Variants in SHC3 observed in about 807,000 individuals in gnomAD.
The protein encoded by SHC3 is SHC-transforming protein 3.
In SHC3, 15 loss-of-function variants were observed where a neutral mutation model predicts 60.4. The observed-to-expected ratio is 0.25, with a 90% CI of 0.17 to 0.38. The LOEUF is 0.38. Ranked by LOEUF, SHC3 falls within the 10% of genes least tolerant of loss-of-function variation. The pLI is 1.00. For missense variants in SHC3, 677 were observed against 786.1 expected (o/e 0.86, Z 1.66); for synonymous variants, 294 against 325.9 (o/e 0.90, Z 1.05).
chr9:89,060,881 A>T (rs1825077551), intron 6 of SHC3, among the ~76,000 whole-genome samples: 1 of 152,104 alleles, frequency 6.6e-6, no homozygotes, highest in Non-Finnish European at 1.5e-5. Context: ...GAAGGAAAGA[A>T]GGCAGAGAAC....
At chr9:89,168,175 C>T (rs994351517) in intron 1 of SHC3, among the ~76,000 whole-genome samples, 1 of 152,228 alleles carries the variant, frequency 6.6e-6, no homozygotes, top group Non-Finnish European at 1.5e-5. Context: ...GAAAATGTTT[C>T]TCTATTTGGG....
At chr9:89,173,457 A>G (rs937680513) in intron 1 of SHC3, among the ~76,000 whole-genome samples, 7 of 152,272 alleles carry the variant, frequency 4.6e-5, no homozygotes, top group African/African-American at 1.7e-4. Context: ...GGAGGCAGAG[A>G]AGCAGCCATC....
chr9:89,075,110 T>C lies in SHC3; in HGVS notation c.728A>G (p.Gln243Arg). The C allele has an allele frequency of 6.2e-7, 1 of 1,613,814 alleles. No individual in the cohort carries two copies. The highest frequency in any genetic ancestry group is 8.5e-7 in the Non-Finnish European group (1 of 1,179,782). ...SLNLRTPDSK[Q>R]IIANHHMRSI... ...CAGGGGATCTGAGCACCCATGTACC[T>C]GTTTGGAGTCCGGAGTTCGCAGGTT... The change falls in exon 4 of 12, where the codon CAG (glutamine) becomes CGG (arginine). Residue 243 changes from glutamine (Q) to arginine (R), a missense_variant and splice_region_variant. Gln to Arg is a conservative substitution (Grantham distance 43, BLOSUM62 1). Coordinates refer to ENST00000375835, the MANE Select transcript of SHC3 (RefSeq NM_016848.6).
At chr9:89,051,072 C>A (rs973823836) in intron 7 of SHC3, among the ~76,000 whole-genome samples, 1 of 152,084 alleles carries the variant, frequency 6.6e-6, no homozygotes, top group Non-Finnish European at 1.5e-5. Context: ...AATGAAAAGT[C>A]TCTTTGAAGA....
At chr9:89,102,504 G>A (rs1001151196) in intron 2 of SHC3, among the ~76,000 whole-genome samples, 1 of 152,112 alleles carries the variant, frequency 6.6e-6, no homozygotes, top group African/African-American at 2.4e-5. Flanking sequence ...ATAATGATAT[G>A]TCTGTGTCTG....
chr9:89,144,305 T>C (rs912073050), intron 1 of SHC3, among the ~76,000 whole-genome samples: 4 of 152,214 alleles, frequency 2.6e-5, no homozygotes, highest in Non-Finnish European at 5.9e-5. Context: ...GTGTTACTTA[T>C]GCAATTAGAA....
chr9:89,100,323 G>A (rs1825764563), intron 2 of SHC3, among the ~76,000 whole-genome samples: 2 of 152,292 alleles, frequency 1.3e-5, no homozygotes. Flanking sequence ...ATTCCAAAAA[G>A]TTGAGAACTT....
At chr9:89,053,784 A>G (rs1824901658) in intron 6 of SHC3, among the ~76,000 whole-genome samples, 1 of 152,232 alleles carries the variant, frequency 6.6e-6, no homozygotes. Context: ...TCACAAAGCA[A>G]TGCCAAGCAG....
intron 10 of SHC3, among the ~76,000 whole-genome samples, chr9:89,039,568 C>T (rs1045638342): frequency 3.3e-5 from 5 of 152,260 alleles, no homozygotes; most frequent in South Asian, 2.1e-4. Context: ...TCCCCAACAT[C>T]GCCACCATCC....
At chr9:89,122,745 A>C (rs1008417379) in intron 1 of SHC3, among the ~76,000 whole-genome samples, 17 of 152,220 alleles carry the variant, frequency 1.1e-4, no homozygotes, top group Non-Finnish European at 2.4e-4. Flanking sequence ...TTTGGAGACA[A>C]GTGAGCAGAG....
chr9:89,028,893 T>C (rs1239673233), intron 11 of SHC3, among the ~76,000 whole-genome samples: 1 of 147,924 alleles, frequency 6.8e-6, no homozygotes, highest in Non-Finnish European at 1.5e-5. Context: ...ATATAATCTA[T>C]ATCTATTAAT....
intron 2 of SHC3, among the ~76,000 whole-genome samples, chr9:89,101,326 T>A (rs1399004810): frequency 6.6e-6 from 1 of 152,170 alleles, no homozygotes; most frequent in Non-Finnish European, 1.5e-5. Context: ...GGATTTTCTA[T>A]GTAGATGTCC....
At chr9:89,046,310 T>G (rs1002382261) in intron 8 of SHC3, among the ~76,000 whole-genome samples, 1 of 152,266 alleles carries the variant, frequency 6.6e-6, no homozygotes, top group African/African-American at 2.4e-5. Flanking sequence ...TTTGCCATTT[T>G]TAGTGGTGTC....
At chr9:89,059,513 G>A (rs1310184685) in intron 6 of SHC3, among the ~76,000 whole-genome samples, 2 of 149,024 alleles carry the variant, frequency 1.3e-5, no homozygotes, top group African/African-American at 2.5e-5. Context: ...GGACGTGGTG[G>A]AGGATGTGGT....
chr9:89,150,012 T>A (rs1026783715), intron 1 of SHC3, among the ~76,000 whole-genome samples: 3 of 152,176 alleles, frequency 2.0e-5, no homozygotes, highest in African/African-American at 7.2e-5. Context: ...AGTGCTGGTG[T>A]TCAAGGAACC....
At chr9:89,132,431 A>T (rs1159638407) in intron 1 of SHC3, among the ~76,000 whole-genome samples, 2 of 152,318 alleles carry the variant, frequency 1.3e-5, no homozygotes, top group East Asian at 3.9e-4. Flanking sequence ...TATGGAACCA[A>T]AAAAGAGCCT....
Position 89,074,894 on chromosome 9 carries a change from A to G in SHC3, c.729+215T>C, listed in dbSNP as rs7848554. On this transcript the variant is annotated intron_variant, in intron 4 of 11. Coordinates refer to ENST00000375835, the MANE Select transcript of SHC3 (RefSeq NM_016848.6). ...TGCAAGTAAACCAATGATTTTGTGC[A>G]TTATACTCCAAAGAAATAAAAAGCA... 9.0e-3 allele frequency among the ~76,000 whole-genome samples: 1,366 copies of G among 152,042 alleles called. 21 individuals carry two copies. Among genetic ancestry groups the G allele is most frequent in the African/African-American group, 0.029 (1,205 of 41,470 alleles).
intron 11 of SHC3, among the ~76,000 whole-genome samples, chr9:89,036,962 T>TA (rs1374604401): frequency 5.5e-5 from 2 of 36,606 alleles, no homozygotes; most frequent in African/African-American, 1.7e-4. Context: ...TACATATATG[T>TA]TAAAAAAAAA....
chr9:89,080,913 C>G (rs1206251114), intron 2 of SHC3, among the ~76,000 whole-genome samples: 1 of 151,646 alleles, frequency 6.6e-6, no homozygotes, highest in East Asian at 1.9e-4. Context: ...ACTGCAGGCG[C>G]CGGCCACCAC....
Sources: gnomAD v4.1 joint callset for allele counts (sites outside exome capture counted in the v4.1 genomes callset) on GRCh38, gnomAD v4.1.1 for gene constraint, MANE v1.5 for transcripts, NCBI Gene and HGNC (gene_info 2026-07-23, HGNC 2026-07-21) for gene names.